The following RFX3 variants were observed in gnomAD, a reference collection of about 807,000 sequenced individuals.
RFX3 encodes regulatory factor X3.
Under a neutral mutation model 98.6 loss-of-function variants are expected in RFX3, and 14 were observed. That is an observed-to-expected ratio of 0.14 (90% CI 0.09 to 0.22). The LOEUF is 0.22. RFX3 is among the 10% of genes least tolerant of loss of function. The probability of loss-of-function intolerance (pLI) is 1.00; values close to 1 mark genes in which losing one functional copy is unlikely to be tolerated. For synonymous variants in RFX3, 383 were observed against 328.4 expected (o/e 1.17, Z -1.80); for missense variants, 639 against 926.9 (o/e 0.69, Z 4.03).
chr9:3,224,863 A>C lies in RFX3; in HGVS notation c.*179T>G, dbSNP rs1037370127. 2.5e-5 allele frequency: 13 copies of C among 527,236 alleles called. No individual in the cohort carries two copies. The highest frequency in any genetic ancestry group is 2.3e-4 in the African/African-American group (12 of 52,644). The allele number at this position is 527,236 out of a possible 1,614,324, so 32.7% of individuals were successfully genotyped here. On this transcript the variant is annotated 3_prime_UTR_variant, in exon 17 of 17. Coordinates refer to ENST00000617270, the MANE Select transcript of RFX3 (RefSeq NM_001282116.2). Reference sequence around the variant, plus strand: ...TTATTAAGAAGCAAATAATTTGTTTACGTTAAAAAAAAAGATCTGGCAAAA... The same window carrying C: ...TTATTAAGAAGCAAATAATTTGTTTCCGTTAAAAAAAAAGATCTGGCAAAA...
intron 14 of RFX3, among the ~76,000 whole-genome samples, chr9:3,249,074 AT>A (rs543563069): frequency 3.5e-4 from 53 of 152,052 alleles, no homozygotes; most frequent in African/African-American, 1.3e-3. Context: ...TATCACTTTC[AT>A]TTACTGACCT....
At chr9:3,386,727 G>A (rs1297362352) in intron 2 of RFX3, among the ~76,000 whole-genome samples, 1 of 152,166 alleles carries the variant, frequency 6.6e-6, no homozygotes, top group East Asian at 1.9e-4. Context: ...TTGTCCAGAA[G>A]TGCACAGTTT....
intron 1 of RFX3, among the ~76,000 whole-genome samples, chr9:3,505,434 A>ATACTT (rs1166926091): frequency 0.028 from 1,541 of 55,250 alleles, 407 homozygotes; most frequent in South Asian, 0.042. Context: ...ATAAAATAAA[A>ATACTT]TATTTTATAT....
At chr9:3,362,599 C>A (rs943953679) in intron 2 of RFX3, among the ~76,000 whole-genome samples, 3 of 152,198 alleles carry the variant, frequency 2.0e-5, no homozygotes, top group African/African-American at 7.2e-5. Context: ...ACTAAAACTA[C>A]ATGATTGCTA....
chr9:3,443,593 T>C (rs146338470), intron 1 of RFX3, among the ~76,000 whole-genome samples: 2,225 of 152,332 alleles, frequency 0.015, 43 homozygotes, highest in African/African-American at 0.048. Context: ...ATTTTCTTTA[T>C]CCAGTCTATC....
chr9:3,240,293 T>C (rs553309651), intron 15 of RFX3, among the ~76,000 whole-genome samples: 3 of 152,216 alleles, frequency 2.0e-5, no homozygotes, highest in Non-Finnish European at 4.4e-5. Context: ...GCCCTGTAAA[T>C]TGCAGGGTTG....
At chr9:3,404,988 C>G (rs1388721577) in intron 1 of RFX3, among the ~76,000 whole-genome samples, 1 of 152,166 alleles carries the variant, frequency 6.6e-6, no homozygotes, top group African/African-American at 2.4e-5. Flanking sequence ...TCCAAAGTCA[C>G]TAAGGAACAA....
intron 15 of RFX3, among the ~76,000 whole-genome samples, chr9:3,231,169 C>T (rs868585203): frequency 1.3e-5 from 2 of 152,130 alleles, no homozygotes; most frequent in African/African-American, 4.8e-5. Flanking sequence ...GTCAATACCT[C>T]TAGGTGTCTC....
intron 15 of RFX3, among the ~76,000 whole-genome samples, chr9:3,232,136 A>C (rs1320643828): frequency 2.6e-5 from 4 of 152,222 alleles, no homozygotes; most frequent in South Asian, 4.1e-4. Flanking sequence ...AAGGAAGCTC[A>C]CAAGAAACTA....
chr9:3,507,128 T>C (rs1414185241), intron 1 of RFX3, among the ~76,000 whole-genome samples: 1 of 151,768 alleles, frequency 6.6e-6, no homozygotes, highest in African/African-American at 2.4e-5. Context: ...TATAAACAAT[T>C]TAAAAAGATT....
At chr9:3,493,287 G>T (rs144799856) in intron 1 of RFX3, among the ~76,000 whole-genome samples, 198 of 152,182 alleles carry the variant, frequency 1.3e-3, no homozygotes, top group African/African-American at 4.3e-3. Context: ...ATTGAGAGAG[G>T]TTCCCCTGAC....
At chr9:3,256,521 G>C (rs542163975) in intron 14 of RFX3, among the ~76,000 whole-genome samples, 1 of 152,246 alleles carries the variant, frequency 6.6e-6, no homozygotes. Flanking sequence ...ATTTGGAGGA[G>C]GTGCTAAGAA....
intron 1 of RFX3, among the ~76,000 whole-genome samples, chr9:3,424,344 T>C (rs908466500): frequency 6.9e-5 from 10 of 145,070 alleles, no homozygotes; most frequent in African/African-American, 2.1e-4. Context: ...AATTACATAA[T>C]TGACTTTTTT....
intron 12 of RFX3, among the ~76,000 whole-genome samples, chr9:3,264,084 G>T (rs1440533971): frequency 2.6e-5 from 4 of 151,722 alleles, no homozygotes; most frequent in Non-Finnish European, 4.4e-5. Context: ...TTTCAACTCT[G>T]TTCATACCTT....
rs1203515164 is a variant in RFX3, at chr9:3,324,829, T to C, written c.474+5430A>G. Among the ~76,000 whole-genome samples the C allele has an allele frequency of 3.9e-5, 6 of 152,048 alleles. No homozygotes were observed. In the East Asian group the frequency reaches 1.2e-3, roughly 29 times the overall value. On this transcript the variant is annotated intron_variant, in intron 4 of 16. Coordinates refer to ENST00000617270, the MANE Select transcript of RFX3 (RefSeq NM_001282116.2). ...AATACAAAAAATTAGCCAAGCATGG[T>C]GGCGGACACCTGTAATCCCAGCTAC... is the stretch of plus-strand genomic sequence containing the variant.
chr9:3,415,079 TA>T lies in RFX3; in HGVS notation c.-8-19484del, dbSNP rs1214813805. Among the ~76,000 whole-genome samples, 1,005 of 101,144 alleles carry T rather than the reference TA, an allele frequency of 9.9e-3. 15 individuals carry two copies. Among genetic ancestry groups the T allele is most frequent in the South Asian group, 0.031 (129 of 4,142 alleles). 66.4% of individuals were successfully genotyped at this position (101,144 alleles called of 152,430 possible). A position where few individuals can be genotyped will look rare whatever the true frequency, so the allele number is the denominator to read the frequency against. On this transcript the variant is annotated intron_variant, in intron 1 of 16. Transcript: ENST00000617270. ...ATATACTCATATATAAGTATATATA[TA>T]TTCTTATATATATACTCATATATAA...
intron 2 of RFX3, among the ~76,000 whole-genome samples, chr9:3,387,652 A>G (rs1839863566): frequency 6.6e-6 from 1 of 151,576 alleles, no homozygotes. Flanking sequence ...AAAGACATTC[A>G]TTTGGAATTC....
At chr9:3,250,442 T>C (rs1202486480) in intron 14 of RFX3, among the ~76,000 whole-genome samples, 1 of 152,064 alleles carries the variant, frequency 6.6e-6, no homozygotes, top group Non-Finnish European at 1.5e-5. Flanking sequence ...TCTATAAAGC[T>C]GTCAGAGGTT....
intron 7 of RFX3, among the ~76,000 whole-genome samples, chr9:3,285,961 A>G (rs1211150670): frequency 1.3e-5 from 2 of 151,712 alleles, no homozygotes; most frequent in African/African-American, 4.8e-5. Flanking sequence ...TTTTTTTTAT[A>G]AAGAATGTCC....
Sources: allele counts gnomAD v4.1 joint callset (sites outside exome capture counted in the v4.1 genomes callset), GRCh38; gene constraint gnomAD v4.1.1; transcripts MANE v1.5; gene names NCBI Gene and HGNC (gene_info 2026-07-23, HGNC 2026-07-21).